The following ADGRG4 variants were observed in gnomAD, a reference collection of about 807,000 sequenced individuals.
The protein encoded by ADGRG4 is adhesion G protein-coupled receptor G4.
In ADGRG4, 122 loss-of-function variants were observed where a neutral mutation model predicts 126.2. The ratio of observed to expected loss-of-function variants is 0.97; its 90% CI spans 0.83 to 1.12. ADGRG4 has a LOEUF of 1.12. Among genes scored for constraint, ADGRG4 ranks in the 50% most tolerant of loss-of-function variants. The pLI is 0.00. For synonymous variants in ADGRG4, 943 were observed against 838.7 expected, an observed-to-expected ratio of 1.12 and a Z score of -2.15; for missense variants, 2,481 against 2,251.8, an observed-to-expected ratio of 1.10 and a Z score of -2.06.
At chrX:136,356,717 G>T (rs1324364196) in intron 9 of ADGRG4, among the ~76,000 whole-genome samples, 1 of 112,308 alleles carries the variant, frequency 8.9e-6, no homozygotes, top group East Asian at 2.8e-4. Context: ...CAGTACAGGG[G>T]CCAGAAGCAG....
At chrX:136,397,357 C>T (rs987195023) in intron 19 of ADGRG4, among the ~76,000 whole-genome samples, 1 of 111,392 alleles carries the variant, frequency 9.0e-6, no homozygotes, top group African/African-American at 3.3e-5. Context: ...GACCAGTGCA[C>T]ACATATATTC....
chrX:136,362,911 G>A (rs747194068), intron 12 of ADGRG4, among the ~76,000 whole-genome samples: 36 of 111,444 alleles, frequency 3.2e-4, no homozygotes, highest in Non-Finnish European at 5.7e-4. Context: ...AGGGAGGGAT[G>A]AAGCCCCACC....
At chrX:136,373,136 G>C in intron 15 of ADGRG4, 72 bp downstream of exon 15, 1 of 928,972 alleles carries the variant, frequency 1.1e-6, no homozygotes, top group East Asian at 3.2e-5. Flanking sequence ...TTTACTCCTT[G>C]GGAGAGAGAG....
At chrX:136,415,958 T>C (rs954748382) in intron 25 of ADGRG4, among the ~76,000 whole-genome samples, 1 of 111,697 alleles carries the variant, frequency 9.0e-6, no homozygotes, top group Admixed American at 9.4e-5. Context: ...CTGCCACAGG[T>C]TCTAAAACTG....
intron 4 of ADGRG4, among the ~76,000 whole-genome samples, chrX:136,309,882 G>A (rs1196175631): frequency 1.8e-5 from 2 of 111,723 alleles, no homozygotes; most frequent in African/African-American, 6.5e-5. Context: ...ACACAGTTTA[G>A]GCACTTGGTT....
intron 15 of ADGRG4, among the ~76,000 whole-genome samples, chrX:136,375,263 TTTTC>T (rs1215335969): frequency 8.9e-6 from 1 of 112,268 alleles, no homozygotes; most frequent in Non-Finnish European, 1.9e-5. Context: ...ATATACCACA[TTTTC>T]TTTATCTACT....
chrX:136,352,112 G>A (rs1238204492), intron 7 of ADGRG4, among the ~76,000 whole-genome samples: 2 of 111,264 alleles, frequency 1.8e-5, no homozygotes, highest in South Asian at 3.8e-4. Flanking sequence ...CATTCTTTTA[G>A]ATATTTTTTC....
At chrX:136,396,594 CAAAAAAAA>C (rs771100359) in intron 19 of ADGRG4, among the ~76,000 whole-genome samples, 1 of 57,395 alleles carries the variant, frequency 1.7e-5, no homozygotes, top group Non-Finnish European at 3.6e-5. Context: ...GAACCTGTCC[CAAAAAAAA>C]AAAAAAAAAG....
At chrX:136,391,494 C>T (rs1251694744) in intron 16 of ADGRG4, among the ~76,000 whole-genome samples, 1 of 112,622 alleles carries the variant, frequency 8.9e-6, no homozygotes, top group East Asian at 2.8e-4. Flanking sequence ...CTGTCACCCA[C>T]TAGCTGAGTG....
chrX:136,307,686 C>A (rs978021380), intron 3 of ADGRG4, among the ~76,000 whole-genome samples: 4 of 112,429 alleles, frequency 3.6e-5, no homozygotes, highest in Non-Finnish European at 7.5e-5. Context: ...AAATACAATA[C>A]GTTGCATTAT....
intron 15 of ADGRG4, among the ~76,000 whole-genome samples, chrX:136,382,752 C>A (rs1219103179): frequency 1.8e-5 from 2 of 111,247 alleles, no homozygotes; most frequent in East Asian, 5.6e-4. Context: ...GATCAATCAC[C>A]CCAGCCAACA....
intron 7 of ADGRG4, among the ~76,000 whole-genome samples, chrX:136,352,177 G>A (rs925617645): frequency 2.7e-5 from 3 of 111,810 alleles, no homozygotes; most frequent in Non-Finnish European, 5.6e-5. Flanking sequence ...AATTGTAGTT[G>A]TACTAGTTAT....
chrX:136,390,634 T>C (rs2075314848), intron 16 of ADGRG4, among the ~76,000 whole-genome samples: 1 of 111,538 alleles, frequency 9.0e-6, no homozygotes, highest in South Asian at 3.8e-4. Context: ...GAATAGCTTG[T>C]CTAAAAGTTC....
chrX:136,373,042 A>G lies in ADGRG4; in HGVS notation c.7754A>G (p.Tyr2585Cys), dbSNP rs148782786. 2.2e-5 allele frequency: 27 copies of G among 1,207,031 alleles called. No individual in the cohort carries two copies. Among genetic ancestry groups the G allele is most frequent in the Non-Finnish European group, 3.0e-5 (27 of 893,870 alleles). Residue 2585 changes from tyrosine (Y) to cysteine (C), a missense_variant, in exon 15 of 26, where the codon TAT becomes TGT. Transcript: ENST00000394143. ...FDGMAFSIHSYEEGTDPEIFL... is the reference protein window; with the variant it reads ...FDGMAFSIHSCEEGTDPEIFL... The stretch of plus-strand genomic sequence containing the variant: ...GGCATGGCTTTCAGCATTCACTCCT[A>G]TGAAGAAGGCACAGACCCTGAGGTG...
intron 15 of ADGRG4, among the ~76,000 whole-genome samples, chrX:136,380,578 TC>T (rs1315452011): frequency 9.1e-4 from 58 of 63,848 alleles, no homozygotes; most frequent in African/African-American, 2.8e-3. Context: ...CTCTTCTTCT[TC>T]CTCCTCCTCC....
In ADGRG4 at chrX:136,347,255, T is replaced by C; in HGVS notation, c.3549T>C (p.Tyr1183=). ...CTCAAGTAGAGGAGACTTCTACCTA[T>C]GCTCTCAGCTTCCCATATACTTTCA... The part of the protein sequence containing the change: ...PISQVEETST[Y]ALSFPYTFSG... Residue 1183 remains tyrosine (Y), a synonymous_variant, in exon 6 of 26, where the codon TAT becomes TAC. Transcript: ENST00000394143. 1 of 1,211,066 alleles carries C rather than the reference T, an allele frequency of 8.3e-7. No individual in the cohort carries two copies. Among genetic ancestry groups the C allele is most frequent in the Non-Finnish European group, 1.1e-6 (1 of 894,806 alleles).
intron 16 of ADGRG4, among the ~76,000 whole-genome samples, chrX:136,389,096 A>T (rs1375778002): frequency 9.0e-6 from 1 of 111,310 alleles, no homozygotes; most frequent in Non-Finnish European, 1.9e-5. Flanking sequence ...TGTCTGTAAG[A>T]CTTTCTGTTC....
At chrX:136,371,229 T>A (rs1400158950) in intron 13 of ADGRG4, 99 bp from the exon 14 acceptor site, 3 of 501,663 alleles carry the variant, frequency 6.0e-6, no homozygotes, top group Non-Finnish European at 9.5e-6. Context: ...TGGTAGGTGT[T>A]CTCATCTCAC....
At position 136,349,210 on chromosome X, in the gene ADGRG4, C is replaced by G. The variant is rs762078209; in HGVS notation, c.5504C>G (p.Ser1835Ter). The G allele has an allele frequency of 3.3e-6, 4 of 1,204,224 alleles. No individual in the cohort carries two copies. Among genetic ancestry groups the G allele is most frequent in the African/African-American group, 3.5e-5 (2 of 56,937 alleles). Reference protein sequence around the residue: ...PSSATLPSLTSFVYSPHSTEA... With the variant: ...PSSATLPSLT ...AGTGCAACTCTACCCTCTTTGACAT[C>G]ATTTGTTTATTCACCTCATAGTACT... is the stretch of plus-strand genomic sequence containing the variant. The change falls in exon 6 of 26, where the codon TCA (serine) becomes TGA (stop). Residue 1835 changes from serine to a stop codon, truncating the protein, a stop_gained. Coordinates refer to ENST00000394143, the MANE Select transcript of ADGRG4 (RefSeq NM_153834.4). LOFTEE classifies it high-confidence loss of function.
Sources: gnomAD v4.1 joint callset for allele counts (sites outside exome capture counted in the v4.1 genomes callset) on GRCh38, gnomAD v4.1.1 for gene constraint, MANE v1.5 for transcripts, NCBI Gene and HGNC (gene_info 2026-07-23, HGNC 2026-07-21) for gene names.